The following TRMT9B variants were observed in gnomAD, a reference collection of about 807,000 sequenced individuals.
TRMT9B encodes the protein tRNA methyltransferase 9B (putative), also known as probable tRNA methyltransferase 9B.
TRMT9B carries 16 observed loss-of-function variants against 11.5 expected under a neutral mutation model. The ratio of observed to expected loss-of-function variants is 1.39; its 90% CI spans 0.94 to 2.11. The LOEUF is 2.11. Ranked by LOEUF, TRMT9B falls within the 30% of genes most tolerant of loss-of-function variation. TRMT9B has a pLI of 0.00. For synonymous variants in TRMT9B, 274 were observed against 192.4 expected (o/e 1.42, Z -3.51); for missense variants, 941 against 553.8 (o/e 1.70, Z -7.02).
intron 2 of TRMT9B, among the ~76,000 whole-genome samples, chr8:12,997,880 C>G (rs564552546): frequency 9.3e-4 from 141 of 152,276 alleles, no homozygotes; most frequent in Middle Eastern, 3.4e-3. Flanking sequence ...TGTATTAGAA[C>G]TCACCGATTC....
chr8:13,009,719 C>T (rs1693675324), intron 3 of TRMT9B, among the ~76,000 whole-genome samples: 2 of 152,036 alleles, frequency 1.3e-5, no homozygotes, highest in African/African-American at 4.8e-5. Context: ...GAAATCATTC[C>T]ATATTTATAT....
chr8:12,969,695 C>G (rs1170829687), intron 1 of TRMT9B, among the ~76,000 whole-genome samples: 1 of 149,736 alleles, frequency 6.7e-6, no homozygotes, highest in African/African-American at 2.5e-5. Flanking sequence ...GAGTGAGTGT[C>G]TCTCTATACC....
At chr8:13,005,085 CAAAAA>C (rs1223540759) in intron 2 of TRMT9B, among the ~76,000 whole-genome samples, 2 of 87,710 alleles carry the variant, frequency 2.3e-5, no homozygotes, top group Admixed American at 1.2e-4. Context: ...GACTGCATCT[CAAAAA>C]AAAAAAAAAA....
At position 13,022,002 on chromosome 8, in the gene TRMT9B, T is replaced by C; in HGVS notation, c.1323T>C (p.Gly441=). The change falls in exon 5 of 5, where the codon GGT becomes GGC. Residue 441 remains glycine, a synonymous_variant. Coordinates refer to ENST00000524591, the MANE Select transcript of TRMT9B (RefSeq NM_020844.3). ...LRILSSGNDH[G]NWCIIAEKKR... ...TCCTGAGTTCTGGGAATGATCATGG[T>C]AACTGGTGTATCATTGCAGAGAAAA... The C allele has an allele frequency of 6.2e-7, 1 of 1,611,176 alleles. No individual in the cohort carries two copies.
chr8:12,950,559 T>TTCTTTCTTTCTC (rs1800519425), intron 1 of TRMT9B, among the ~76,000 whole-genome samples: 1 of 152,104 alleles, frequency 6.6e-6, no homozygotes, highest in Non-Finnish European at 1.5e-5. Flanking sequence ...CTTTCTTTCT[T>TTCTTTCTTTCTC]TCTTTTTGAA....
At chr8:13,008,640 A>G (rs756659254) in intron 3 of TRMT9B, among the ~76,000 whole-genome samples, 3 of 152,262 alleles carry the variant, frequency 2.0e-5, no homozygotes, top group Non-Finnish European at 4.4e-5. Context: ...TCCACAAGAC[A>G]AAAATCTAGA....
chr8:13,006,722 G>T lies in TRMT9B; in HGVS notation c.154+366G>T, dbSNP rs1810546596. 9.0e-6 allele frequency: 10 copies of T among 1,114,840 alleles called. No homozygotes were observed. In the East Asian group the frequency reaches 3.2e-4, roughly 35 times the overall value. 69.1% of individuals were successfully genotyped at this position (1,114,840 alleles called of 1,614,324 possible). On this transcript the variant is annotated intron_variant, in intron 3 of 4. Coordinates refer to ENST00000524591, the MANE Select transcript of TRMT9B (RefSeq NM_020844.3). ...TCACTCTTGTCAACCAGATTGGAGT[G>T]CAGTGGTGCAATCTCAGCTTGCTGC...
chr8:13,011,718 T>C (rs926576234), intron 3 of TRMT9B: 2 of 975,324 alleles, frequency 2.1e-6, no homozygotes, highest in Admixed American at 6.2e-5. Flanking sequence ...TCTCTGCTAC[T>C]GGAAAGTGAA....
At chr8:13,003,287 C>G (rs1006226804) in intron 2 of TRMT9B, among the ~76,000 whole-genome samples, 1 of 152,068 alleles carries the variant, frequency 6.6e-6, no homozygotes, top group Admixed American at 6.5e-5. Context: ...AGCCACAACC[C>G]GAGTCCCTGG....
Position 13,006,421 on chromosome 8 carries a change from A to C in TRMT9B, c.154+65A>C, listed in dbSNP as rs953125934. ...AGCCTCATCGCTGACATAGGTAACCAGGCAGCCTCATCGCTGACATAGGTA... is the reference window on the plus strand; with the variant it reads ...AGCCTCATCGCTGACATAGGTAACCCGGCAGCCTCATCGCTGACATAGGTA... On this transcript the variant is annotated intron_variant, in intron 3 of 4. Transcript: ENST00000524591. 5 of 1,528,960 alleles carry C rather than the reference A, an allele frequency of 3.3e-6. No homozygotes were observed. The Admixed American group carries it at 8.0e-5, about 24-fold the overall frequency. 94.7% of individuals were successfully genotyped at this position (1,528,960 alleles called of 1,614,324 possible). A position where few individuals can be genotyped will look rare whatever the true frequency, so the allele number is the denominator to read the frequency against.
chr8:12,984,534 C>A (rs1261411391), intron 1 of TRMT9B, among the ~76,000 whole-genome samples: 2 of 152,174 alleles, frequency 1.3e-5, no homozygotes, highest in East Asian at 1.9e-4. Context: ...CCTGCCTAAA[C>A]CTTCTTTCCT....
Position 13,022,302 on chromosome 8 carries a change from G to T in TRMT9B, c.*258G>T, listed in dbSNP as rs1011325696. 1 of 371,418 alleles carries T rather than the reference G, an allele frequency of 2.7e-6. No individual in the cohort carries two copies. Among genetic ancestry groups the T allele is most frequent in the Non-Finnish European group, 5.0e-6 (1 of 200,376 alleles). The allele number at this position is 371,418 out of a possible 1,614,324, so 23.0% of individuals were successfully genotyped here. On this transcript the variant is annotated 3_prime_UTR_variant, in exon 5 of 5. Coordinates refer to ENST00000524591, the MANE Select transcript of TRMT9B (RefSeq NM_020844.3). ...AAGAAGCAACAGAAAGTACCCTTCA[G>T]TACACCTCAGACTTTTTTTTAACCC...
chr8:13,024,407 G>C lies in TRMT9B; in HGVS notation c.*2363G>C, dbSNP rs1448991307. The C allele has an allele frequency of 6.0e-6, 1 of 167,072 alleles. No homozygotes were observed. Among genetic ancestry groups the C allele is most frequent in the Non-Finnish European group, 1.5e-5 (1 of 68,124 alleles). The allele number at this position is 167,072 out of a possible 1,614,324, so 10.3% of individuals were successfully genotyped here. A position where few individuals can be genotyped will look rare whatever the true frequency, so the allele number is the denominator to read the frequency against. Reference sequence around the variant, plus strand: ...CTGCAAGGGATTTCCTTGGTAAAAAGAAAAGATTCTCAGAGTCAAAATGGT... The same window carrying C: ...CTGCAAGGGATTTCCTTGGTAAAAACAAAAGATTCTCAGAGTCAAAATGGT... On this transcript the variant is annotated 3_prime_UTR_variant, in exon 5 of 5. Coordinates refer to ENST00000524591, the MANE Select transcript of TRMT9B (RefSeq NM_020844.3).
At position 13,025,060 on chromosome 8, in the gene TRMT9B, G is replaced by A. The variant is rs995915018; in HGVS notation, c.*3016G>A. ...GTCGGCCTCAACTTGCTTGATGATAGATTCTACTGACCTAGCTGGAGTAAT... is the reference window on the plus strand; with the variant it reads ...GTCGGCCTCAACTTGCTTGATGATAAATTCTACTGACCTAGCTGGAGTAAT... On this transcript the variant is annotated 3_prime_UTR_variant, in exon 5 of 5. Coordinates refer to ENST00000524591, the MANE Select transcript of TRMT9B (RefSeq NM_020844.3). The A allele has an allele frequency of 6.0e-6, 1 of 167,036 alleles. No individual in the cohort carries two copies. The highest frequency in any genetic ancestry group is 2.1e-4 in the South Asian group (1 of 4,828). 10.3% of individuals were successfully genotyped at this position (167,036 alleles called of 1,614,324 possible). A position where few individuals can be genotyped will look rare whatever the true frequency, so the allele number is the denominator to read the frequency against.
chr8:12,986,932 C>G (rs10101284), intron 1 of TRMT9B, among the ~76,000 whole-genome samples: 1 of 152,220 alleles, frequency 6.6e-6, no homozygotes, highest in Non-Finnish European at 1.5e-5. Flanking sequence ...GTCTACACTA[C>G]TGCCAGAGGC....
At position 13,012,790 on chromosome 8, in the gene TRMT9B, C is replaced by T. The variant is rs767015114; in HGVS notation, c.261C>T (p.Ala87=). The T allele has an allele frequency of 1.9e-6, 3 of 1,613,934 alleles. No homozygotes were observed. The highest frequency in any genetic ancestry group is 2.5e-6 in the Non-Finnish European group (3 of 1,179,874). Residue 87 remains alanine (A), a synonymous_variant, in exon 4 of 5, where the codon GCC becomes GCT. Transcript: ENST00000524591. The part of the protein sequence containing the change: ...VEIARNRGCE[A]MVCDNLNLPF... ...TTGCCCGGAATAGAGGATGTGAAGC[C>T]ATGGTATGTGACAACCTTAATCTCC...
chr8:13,015,973 G>A (rs915119398), intron 4 of TRMT9B, among the ~76,000 whole-genome samples: 1 of 151,494 alleles, frequency 6.6e-6, no homozygotes, highest in Non-Finnish European at 1.5e-5. Flanking sequence ...AGCCAGGCAT[G>A]GTGACGGGCA....
At chr8:12,984,877 T>C (rs531968688) in intron 1 of TRMT9B, among the ~76,000 whole-genome samples, 1 of 151,976 alleles carries the variant, frequency 6.6e-6, no homozygotes, top group South Asian at 2.1e-4. Context: ...TGGTAACTGA[T>C]CTCATGACCA....
At chr8:12,999,823 C>G (rs191199127) in intron 2 of TRMT9B, among the ~76,000 whole-genome samples, 5 of 152,096 alleles carry the variant, frequency 3.3e-5, no homozygotes, top group African/African-American at 4.8e-5. Context: ...GTAGAAGTTG[C>G]CACTAGGCTC....
Sources: gnomAD v4.1 joint callset for allele counts (sites outside exome capture counted in the v4.1 genomes callset) on GRCh38, gnomAD v4.1.1 for gene constraint, MANE v1.5 for transcripts, NCBI Gene and HGNC (gene_info 2026-07-23, HGNC 2026-07-21) for gene names.